The following CERK variants were observed in gnomAD, a reference collection of about 807,000 sequenced individuals.
CERK encodes the protein acylsphingosine kinase.
In CERK, 39 loss-of-function variants were observed where a neutral mutation model predicts 63.4. The observed-to-expected ratio is 0.61, with a 90% CI of 0.48 to 0.80. The LOEUF (loss-of-function observed/expected upper bound fraction) is 0.80. CERK is among the 30% of genes least tolerant of loss of function. CERK has a pLI of 0.00. For synonymous variants in CERK, 302 were observed against 280.0 expected (o/e 1.08, Z -0.78); for missense variants, 670 against 714.1 (o/e 0.94, Z 0.70).
At chr22:46,708,841 T>C (rs2082826500) in intron 5 of CERK, among the ~76,000 whole-genome samples, 1 of 151,628 alleles carries the variant, frequency 6.6e-6, no homozygotes, top group Admixed American at 6.6e-5. Context: ...GAAGAGAGGG[T>C]TGCAGGGGGA....
chr22:46,721,086 A>T lies in CERK; in HGVS notation c.143-71T>A. On this transcript the variant is annotated intron_variant, in intron 1 of 12. Coordinates refer to ENST00000216264, the MANE Select transcript of CERK (RefSeq NM_022766.6). ...ACACAGGTAAAATCAGTCCAACTCCAAGAAGCTGAGAATATTCTGCTTTAA... is the reference window on the plus strand; with the variant it reads ...ACACAGGTAAAATCAGTCCAACTCCTAGAAGCTGAGAATATTCTGCTTTAA... 3.1e-6 allele frequency: 3 copies of T among 961,758 alleles called. No individual in the cohort carries two copies. The South Asian group carries it at 3.9e-5, about 12-fold the overall frequency. 59.6% of individuals were successfully genotyped at this position (961,758 alleles called of 1,614,324 possible).
Position 46,720,198 on chromosome 22 carries a change from T to C in CERK, c.267A>G (p.Val89=), listed in dbSNP as rs1435580449. Residue 89 remains valine, a synonymous_variant, in exon 3 of 13, where the codon GTA becomes GTG. Coordinates refer to ENST00000216264, the MANE Select transcript of CERK (RefSeq NM_022766.6). ...TCCAGCGGTGCCGTCGTGCTCTCTTTACACAGTGAACTGCACAGAAGCAAG... is the reference window on the plus strand; with the variant it reads ...TCCAGCGGTGCCGTCGTGCTCTCTTCACACAGTGAACTGCACAGAAGCAAG... ...EKPYAFTVHC[V]KRARRHRWKW... 1 of 1,613,470 alleles carries C rather than the reference T, an allele frequency of 6.2e-7. No homozygotes were observed. The highest frequency in any genetic ancestry group is 1.3e-5 in the African/African-American group (1 of 74,930).
chr22:46,725,878 C>T (rs2082915852), intron 1 of CERK, among the ~76,000 whole-genome samples: 1 of 152,242 alleles, frequency 6.6e-6, no homozygotes, highest in African/African-American at 2.4e-5. Context: ...CGCTGACTTC[C>T]AGCTGCTTCT....
At chr22:46,694,137 GA>G (rs2082744646) in intron 9 of CERK, among the ~76,000 whole-genome samples, 1 of 152,152 alleles carries the variant, frequency 6.6e-6, no homozygotes, top group Non-Finnish European at 1.5e-5. Flanking sequence ...AAAGGAGCTA[GA>G]AGGAGGTTCT....
chr22:46,716,968 AAAGG>A (rs1294202986), intron 3 of CERK, among the ~76,000 whole-genome samples: 1 of 152,042 alleles, frequency 6.6e-6, no homozygotes, highest in African/African-American at 2.4e-5. Flanking sequence ...AGAATGAAAG[AAAGG>A]AAGGAAGAGA....
intron 3 of CERK, among the ~76,000 whole-genome samples, chr22:46,712,533 C>T (rs1051020718): frequency 1.3e-5 from 2 of 152,152 alleles, no homozygotes; most frequent in Non-Finnish European, 2.9e-5. Flanking sequence ...ATGAAACTCC[C>T]ACGAACTCAG....
At position 46,738,014 on chromosome 22, in the gene CERK, G is replaced by A. The variant is rs769604621; in HGVS notation, c.135C>T (p.Pro45=). 124 of 1,183,432 alleles carry A rather than the reference G, an allele frequency of 1.0e-4. No individual in the cohort carries two copies. The highest frequency in any genetic ancestry group is 1.1e-4 in the Non-Finnish European group (104 of 959,690). 73.3% of individuals were successfully genotyped at this position (1,183,432 alleles called of 1,614,324 possible). A position where few individuals can be genotyped will look rare whatever the true frequency, so the allele number is the denominator to read the frequency against. Residue 45 remains proline, a synonymous_variant, in exon 1 of 13, where the codon CCC becomes CCT. Coordinates refer to ENST00000216264, the MANE Select transcript of CERK (RefSeq NM_022766.6). ...WRSPGPGAGA[P]GADACSVPVS... ...GGCGGCGGCGACACTCACCCGCGCCGGGGGCGCCGGCTCCGGGCCCCGGGC... is the reference window on the plus strand; with the variant it reads ...GGCGGCGGCGACACTCACCCGCGCCAGGGGCGCCGGCTCCGGGCCCCGGGC...
In CERK at chr22:46,714,321, G is replaced by A. The variant is rs4530458; in HGVS notation, c.380-2028C>T. Reference sequence around the variant, plus strand: ...TAGCTGGGTGTGGTGGTATGCCCTTGTAGTCCCAGCTACTCTGGAGGCTGA... The same window carrying A: ...TAGCTGGGTGTGGTGGTATGCCCTTATAGTCCCAGCTACTCTGGAGGCTGA... On this transcript the variant is annotated intron_variant, in intron 3 of 12. Coordinates refer to ENST00000216264, the MANE Select transcript of CERK (RefSeq NM_022766.6). The surrounding 1 kb of genome is among the most constrained non-coding windows in gnomAD (Gnocchi z 4.4). Among the ~76,000 whole-genome samples the A allele has an allele frequency of 0.73, 110,286 of 151,904 alleles. 40,362 individuals carry two copies. The highest frequency in any genetic ancestry group is 0.77 in the Non-Finnish European group (52,273 of 67,978).
At chr22:46,733,705 GC>G (rs1237406663) in intron 1 of CERK, among the ~76,000 whole-genome samples, 1 of 151,990 alleles carries the variant, frequency 6.6e-6, no homozygotes, top group Non-Finnish European at 1.5e-5. Context: ...GGTTAGGAGA[GC>G]CTTTTCCCAT....
At chr22:46,691,056 T>TACACACACACACACACACACACAC (rs141210280) in intron 11 of CERK, among the ~76,000 whole-genome samples, 39 of 147,298 alleles carry the variant, frequency 2.6e-4, no homozygotes, top group Admixed American at 4.7e-4. Flanking sequence ...TATACATACA[T>TACACACACACACACACACACACAC]ACACACACAC....
At chr22:46,722,415 G>C (rs542753042) in intron 1 of CERK, among the ~76,000 whole-genome samples, 2 of 152,044 alleles carry the variant, frequency 1.3e-5, no homozygotes, top group African/African-American at 4.8e-5. Flanking sequence ...GGAGGGGGTG[G>C]GTTACAGAGG....
intron 4 of CERK, 105 bp from the exon 5 acceptor site, chr22:46,711,254 G>T: frequency 2.4e-6 from 2 of 827,168 alleles, no homozygotes; most frequent in Non-Finnish European, 4.1e-6. Context: ...AACACCTTCA[G>T]GCGGATTTCC....
At chr22:46,737,930 T>G in intron 1 of CERK, 77 bp downstream of exon 1, 1 of 973,702 alleles carries the variant, frequency 1.0e-6, no homozygotes, top group Non-Finnish European at 1.3e-6. Flanking sequence ...CTGCACCCGG[T>G]CCCCCCAGCC....
chr22:46,718,399 AGGAG>A lies in CERK; in HGVS notation c.379+1683_379+1686del, dbSNP rs536414421. Among the ~76,000 whole-genome samples the A allele has an allele frequency of 2.1e-4, 32 of 152,240 alleles. No homozygotes were observed. The East Asian group carries it at 6.0e-3, about 28-fold the overall frequency. The stretch of plus-strand genomic sequence containing the variant: ...AAAGGGGGAGTCGAGAGACAAACAG[AGGAG>A]GGGAAGGCGGGAGAAACAGATGCAC... On this transcript the variant is annotated intron_variant, in intron 3 of 12. Coordinates refer to ENST00000216264, the MANE Select transcript of CERK (RefSeq NM_022766.6).
chr22:46,735,568 G>C (rs2082968988), intron 1 of CERK: 1 of 152,204 alleles, frequency 6.6e-6, no homozygotes, highest in Non-Finnish European at 1.5e-5. Context: ...GGCACACACA[G>C]TGGCCTTGGC....
chr22:46,730,156 G>A (rs1403900101), intron 1 of CERK, among the ~76,000 whole-genome samples: 4 of 152,068 alleles, frequency 2.6e-5, no homozygotes, highest in Non-Finnish European at 5.9e-5. Flanking sequence ...GGTGGCTCAC[G>A]CCTGTAATCC....
Position 46,738,116 on chromosome 22 carries a change from T to C in CERK, c.33A>G (p.Gln11=), listed in dbSNP as rs151275636. MGATGAAEPL[Q]SVLWVKQQRC... ...GCTGCTGCTTCACCCACAGCACGGATTGCAGCGGCTCCGCCGCCCCCGTCG... is the reference window on the plus strand; with the variant it reads ...GCTGCTGCTTCACCCACAGCACGGACTGCAGCGGCTCCGCCGCCCCCGTCG... Residue 11 remains glutamine (Q), a synonymous_variant, in exon 1 of 13, where the codon CAA becomes CAG. Transcript: ENST00000216264. The C allele has an allele frequency of 0.013, 16,661 of 1,252,466 alleles. 1,560 individuals carry two copies. The African/African-American group carries it at 0.22, about 16-fold the overall frequency. 77.6% of individuals were successfully genotyped at this position (1,252,466 alleles called of 1,614,324 possible). A position where few individuals can be genotyped will look rare whatever the true frequency, so the allele number is the denominator to read the frequency against.
intron 4 of CERK, 48 bp downstream of exon 4, chr22:46,712,120 G>C (rs748775436): frequency 6.2e-7 from 1 of 1,606,912 alleles, no homozygotes; most frequent in Admixed American, 1.7e-5. Flanking sequence ...GACTATACTT[G>C]AATCATTCTC....
chr22:46,727,369 T>G (rs1028846195), intron 1 of CERK, among the ~76,000 whole-genome samples: 23 of 151,318 alleles, frequency 1.5e-4, no homozygotes, highest in Non-Finnish European at 4.4e-5. Context: ...AGCCTCGACC[T>G]CCCAGGCTCA....
Sources: gnomAD v4.1 joint callset for allele counts (sites outside exome capture counted in the v4.1 genomes callset) on GRCh38, gnomAD v4.1.1 for gene constraint, Gnocchi (gnomAD v3.1) non-coding constraint, MANE v1.5 for transcripts, NCBI Gene and HGNC (gene_info 2026-07-23, HGNC 2026-07-21) for gene names.